The following THNSL1 variants were observed in gnomAD, a reference collection of about 807,000 sequenced individuals.
THNSL1 encodes the protein threonine synthase-like 1.
THNSL1 carries 48 observed loss-of-function variants against 50.4 expected under a neutral mutation model. The observed-to-expected ratio is 0.95, with a 90% confidence interval of 0.76 to 1.21. THNSL1 has a LOEUF of 1.21. THNSL1 is among the 50% of genes most tolerant of loss of function. The pLI is 0.00. For synonymous variants in THNSL1, 309 were observed against 306.1 expected (o/e 1.01, Z -0.10); for missense variants, 896 against 871.7 (o/e 1.03, Z -0.35).
At chr10:25,021,954 TACAGA>T (rs1850727697) in intron 2 of THNSL1, 46 bp downstream of exon 2, 1 of 152,178 alleles carries the variant, frequency 6.6e-6, no homozygotes, top group African/African-American at 2.4e-5. Flanking sequence ...AATGTTTAAT[TACAGA>T]ACAGAGTTTA....
the THNSL1 span, among the ~76,000 whole-genome samples, chr10:24,988,842 C>A: frequency 6.6e-6 from 1 of 151,604 alleles, no homozygotes; most frequent in African/African-American, 2.4e-5. Flanking sequence ...CAGGGACATA[C>A]AACCAGATTG....
chr10:25,024,387 T>C lies in THNSL1; in HGVS notation c.1164T>C (p.Asn388=). Reference sequence around the variant, plus strand: ...GAGACACAGGGAGTGCAGTCTTAAATGGTTTTAGTCGTCTAAATAAGAATG... The same window carrying C: ...GAGACACAGGGAGTGCAGTCTTAAACGGTTTTAGTCGTCTAAATAAGAATG... ...TSGDTGSAVL[N]GFSRLNKNDK... is the part of the protein sequence containing the mutation. Residue 388 remains asparagine, a synonymous_variant, in exon 3 of 3, where the codon AAT becomes AAC. Transcript: ENST00000376356. The C allele has an allele frequency of 1.2e-6, 2 of 1,613,986 alleles. No individual in the cohort carries two copies. Among genetic ancestry groups the C allele is most frequent in the Non-Finnish European group, 8.5e-7 (1 of 1,180,026 alleles).
the THNSL1 span, among the ~76,000 whole-genome samples, chr10:24,992,842 G>T: frequency 6.6e-6 from 1 of 152,184 alleles, no homozygotes; most frequent in African/African-American, 2.4e-5. Flanking sequence ...TGGGAGGCCA[G>T]TATTCTGGTC....
At chr10:25,005,103 G>A in the THNSL1 span, among the ~76,000 whole-genome samples, 1 of 152,036 alleles carries the variant, frequency 6.6e-6, no homozygotes, top group Non-Finnish European at 1.5e-5. Context: ...TCTCTATTCT[G>A]TTCTATTGAT....
the THNSL1 span, among the ~76,000 whole-genome samples, chr10:25,003,932 G>A: frequency 3.4e-4 from 51 of 152,106 alleles, no homozygotes; most frequent in African/African-American, 1.2e-3. Context: ...CAGTATTTTG[G>A]TTTCATGTTC....
chr10:25,020,466 A>C (rs1412492759), intron 1 of THNSL1, among the ~76,000 whole-genome samples: 1 of 152,144 alleles, frequency 6.6e-6, no homozygotes, highest in Non-Finnish European at 1.5e-5. Flanking sequence ...AAAGCGGAAG[A>C]AAAGATGAAA....
the THNSL1 span, among the ~76,000 whole-genome samples, chr10:24,971,799 G>A: frequency 4.6e-5 from 7 of 152,214 alleles, no homozygotes; most frequent in Non-Finnish European, 1.0e-4. Context: ...CAGTTGTGAT[G>A]TATGCAACAT....
At chr10:25,004,214 T>A in the THNSL1 span, among the ~76,000 whole-genome samples, 1 of 152,256 alleles carries the variant, frequency 6.6e-6, no homozygotes, top group East Asian at 1.9e-4. Context: ...TCTTTGCTAC[T>A]GTGAATAGTG....
chr10:24,981,649 C>G, the THNSL1 span, among the ~76,000 whole-genome samples: 2 of 152,308 alleles, frequency 1.3e-5, no homozygotes, highest in Non-Finnish European at 2.9e-5. Context: ...TTTCTACGCG[C>G]CAGGAACTAT....
upstream of THNSL1, among the ~76,000 whole-genome samples, chr10:25,015,172 T>A (rs1850537884): frequency 6.6e-6 from 1 of 152,222 alleles, no homozygotes; most frequent in Admixed American, 6.5e-5. Flanking sequence ...TGGGAGTAAC[T>A]GAAGTGCTTC....
rs60383858 is a variant in THNSL1 at position 25,023,170 on chromosome 10, G to GA, written c.-48-2dup. 4,014 of 1,527,976 alleles carry GA rather than the reference G, an allele frequency of 2.6e-3. 95 individuals carry two copies. In the African/African-American group the frequency reaches 0.046, roughly 18 times the overall value. The allele number at this position is 1,527,976 out of a possible 1,614,324, so 94.7% of individuals were successfully genotyped here. On this transcript the variant is annotated splice_region_variant and splice_polypyrimidine_tract_variant and intron_variant, in intron 2 of 2. Coordinates refer to ENST00000376356, the MANE Select transcript of THNSL1 (RefSeq NM_024838.5). ...TTGTTTTTTGTTTGTTTTGTGTTTTGAAAAGGGCTAAAGCCAATTTTTAGG... is the reference window on the plus strand; with the variant it reads ...TTGTTTTTTGTTTGTTTTGTGTTTTGAAAAAGGGCTAAAGCCAATTTTTAGG...
chr10:24,963,074 A>G, the THNSL1 span, among the ~76,000 whole-genome samples: 2 of 152,176 alleles, frequency 1.3e-5, no homozygotes, highest in Admixed American at 6.6e-5. Context: ...CCATTCTCAG[A>G]TTTCTCAGCA....
In THNSL1 at chr10:25,023,231, A is replaced by G. The variant is rs780339794; in HGVS notation, c.8A>G (p.His3Arg). The change falls in exon 3 of 3, where the codon CAC (histidine) becomes CGC (arginine). Residue 3 changes from histidine (H) to arginine (R), a missense_variant. By Grantham distance (29) the His-to-Arg change is conservative (BLOSUM62 0). Coordinates refer to ENST00000376356, the MANE Select transcript of THNSL1 (RefSeq NM_024838.5). ...CAGAAAAGTGAAAAGAGAATGCTCC[A>G]CTTTAACCGATGTCATCATCTGAAA... ML[H>R]FNRCHHLKKI... 6.2e-7 allele frequency: 1 copy of G among 1,610,646 alleles called. No individual in the cohort carries two copies. Among genetic ancestry groups the G allele is most frequent in the South Asian group, 1.1e-5 (1 of 90,564 alleles).
Position 25,025,413 on chromosome 10 carries a change from G to A in THNSL1, c.2190G>A (p.Leu730=), listed in dbSNP as rs758766032. Residue 730 remains leucine (L), a synonymous_variant, in exon 3 of 3, where the codon TTG becomes TTA. Coordinates refer to ENST00000376356, the MANE Select transcript of THNSL1 (RefSeq NM_024838.5). ...TCTGTGCAGCTGATATGAATGTCTT[G>A]AAGAGTCATGTGGAACAACTTGTCC... ...YQVCAADMNV[L]KSHVEQLVQN... 2.5e-6 allele frequency: 4 copies of A among 1,612,782 alleles called. No individual in the cohort carries two copies. The highest frequency in any genetic ancestry group is 1.7e-4 in the Middle Eastern group (1 of 6,052).
At chr10:25,002,195 G>A in the THNSL1 span, among the ~76,000 whole-genome samples, 1 of 152,204 alleles carries the variant, frequency 6.6e-6, no homozygotes, top group Non-Finnish European at 1.5e-5. Context: ...ACCTGGGCTG[G>A]TGGGAACACG....
the THNSL1 span, among the ~76,000 whole-genome samples, chr10:24,952,823 C>A: frequency 6.6e-6 from 1 of 151,668 alleles, no homozygotes; most frequent in South Asian, 2.1e-4. The surrounding 1 kb of genome is among the most constrained non-coding windows in gnomAD (Gnocchi z 5.1). Flanking sequence ...AAGCCGCTAC[C>A]GCTCCCCCTG....
chr10:24,968,626 C>A, the THNSL1 span, among the ~76,000 whole-genome samples: 1 of 152,228 alleles, frequency 6.6e-6, no homozygotes, highest in African/African-American at 2.4e-5. Flanking sequence ...CTGACTCCTT[C>A]AGCTGCGGCC....
chr10:24,958,773 T>C, the THNSL1 span, among the ~76,000 whole-genome samples: 1 of 151,726 alleles, frequency 6.6e-6, no homozygotes, highest in Non-Finnish European at 1.5e-5. Context: ...CTTGCAATAA[T>C]GTCAGACCTG....
intron 2 of THNSL1, 63 bp from the exon 3 acceptor site, chr10:25,023,113 T>C: frequency 2.0e-6 from 2 of 1,013,468 alleles, no homozygotes; most frequent in Non-Finnish European, 2.9e-6. Context: ...ATTTTAACAA[T>C]CTACTGTAAT....
Sources: allele counts gnomAD v4.1 joint callset (sites outside exome capture counted in the v4.1 genomes callset), GRCh38; gene constraint gnomAD v4.1.1; non-coding constraint Gnocchi (gnomAD v3.1); transcripts MANE v1.5; gene names NCBI Gene and HGNC (gene_info 2026-07-23, HGNC 2026-07-21).